THSD1: variants seen among roughly 807,000 people sequenced by gnomAD.
The protein encoded by THSD1 is thrombospondin type-1 domain-containing protein 1.
Under a neutral mutation model 46.3 loss-of-function variants are expected in THSD1, and 34 were observed. The ratio of observed to expected loss-of-function variants is 0.74; its 90% CI spans 0.56 to 0.98. THSD1 has a LOEUF of 0.98. Among genes scored for constraint, THSD1 ranks in the 50% least tolerant of loss-of-function variants. The pLI is 0.00. For missense variants in THSD1, 1,023 were observed against 1,058.3 expected (o/e 0.97, Z 0.46); for synonymous variants, 407 against 416.5 (o/e 0.98, Z 0.28).
intron 4 of THSD1, among the ~76,000 whole-genome samples, chr13:52,383,112 A>G (rs749383479): frequency 7.2e-5 from 11 of 152,084 alleles, no homozygotes; most frequent in Non-Finnish European, 1.5e-4. Context: ...TGCAGGCCCT[A>G]TAATATTGTA....
chr13:52,381,408 C>A (rs946512923), intron 4 of THSD1, among the ~76,000 whole-genome samples: 1 of 152,130 alleles, frequency 6.6e-6, no homozygotes, highest in African/African-American at 2.4e-5. Flanking sequence ...GCCCACAAAT[C>A]CTTCCATGGG....
At chr13:52,402,784 A>G in intron 1 of THSD1, 103 bp from the exon 2 acceptor site, 1 of 1,390,426 alleles carries the variant, frequency 7.2e-7, no homozygotes, top group Non-Finnish European at 9.3e-7. Flanking sequence ...TTTCTAAGTG[A>G]TATTGAAAGG....
chr13:52,384,999 A>G (rs551195100), intron 4 of THSD1, among the ~76,000 whole-genome samples: 1 of 152,314 alleles, frequency 6.6e-6, no homozygotes, highest in Non-Finnish European at 1.5e-5. Flanking sequence ...AACAGAGCCT[A>G]TGATACTGGC....
chr13:52,395,033 G>A (rs1957801402), intron 3 of THSD1, among the ~76,000 whole-genome samples: 1 of 152,182 alleles, frequency 6.6e-6, no homozygotes, highest in Admixed American at 6.5e-5. Flanking sequence ...AAGGAGAGAG[G>A]AGGGTGTCCT....
Position 52,378,583 on chromosome 13 carries a change from A to C in THSD1, c.1387T>G (p.Ser463Ala), listed in dbSNP as rs1178406303. The change falls in exon 5 of 5, where the codon TCG becomes GCG. Residue 463 changes from serine to alanine, a missense_variant. Around this residue, in one of 3 missense-constraint regions of THSD1, gnomAD observed 578 missense variants for 497.4 expected, o/e 1.16. Transcript: ENST00000258613. ...AGCTCGCAGATATTCTCCTCGTCCG[A>C]GTTCTTCCGGAAGCTGGGGGAGTGG... ...SIHSPSFRKN[S>A]DEENICELSE... is the part of the protein sequence containing the mutation. The C allele has an allele frequency of 2.5e-6, 4 of 1,614,032 alleles. No individual in the cohort carries two copies. The highest frequency in any genetic ancestry group is 8.5e-7 in the Non-Finnish European group (1 of 1,180,010).
At position 52,402,512 on chromosome 13, in the gene THSD1, C is replaced by CAGTAG. The variant is rs761317678; in HGVS notation, c.58+26_58+30dup. 2.5e-6 allele frequency: 4 copies of CAGTAG among 1,597,232 alleles called. No homozygotes were observed. The African/African-American group carries it at 5.4e-5, about 21-fold the overall frequency. Reference sequence around the variant, plus strand: ...TGTCATCTTTATGTCTTATTGCTACCAGTAGCGTTAAGTATACTCACAATA... The same window carrying CAGTAG: ...TGTCATCTTTATGTCTTATTGCTACCAGTAGAGTAGCGTTAAGTATACTCACAATA... On this transcript the variant is annotated intron_variant, in intron 2 of 4. Transcript: ENST00000258613.
chr13:52,390,190 C>G (rs1474831391), intron 3 of THSD1, among the ~76,000 whole-genome samples: 1 of 151,858 alleles, frequency 6.6e-6, no homozygotes, highest in Non-Finnish European at 1.5e-5. Flanking sequence ...CAGTACCCAT[C>G]CAACCCCAAG....
chr13:52,381,451 T>C (rs1957691374), intron 4 of THSD1, among the ~76,000 whole-genome samples: 1 of 152,180 alleles, frequency 6.6e-6, no homozygotes, highest in South Asian at 2.1e-4. Context: ...ATTTCACCAC[T>C]TTCTTAAGCC....
At position 52,398,136 on chromosome 13, in the gene THSD1, G is replaced by A. The variant is rs746926644; in HGVS notation, c.117C>T (p.Asn39=). The change falls in exon 3 of 5, where the codon AAC becomes AAT. Residue 39 remains asparagine (N), a synonymous_variant. Coordinates refer to ENST00000258613, the MANE Select transcript of THSD1 (RefSeq NM_018676.4). ...LREPGHVALS[N]DTVYVDFQYF... is the part of the protein sequence containing the mutation. ...ACTGGAAATCCACATACACTGTGTC[G>A]TTGCTTAGTGCTACATGGCCTGGCT... 2.1e-5 allele frequency: 34 copies of A among 1,614,020 alleles called. No individual in the cohort carries two copies. Among genetic ancestry groups the A allele is most frequent in the African/African-American group, 5.3e-5 (4 of 74,896 alleles).
intron 2 of THSD1, chr13:52,400,217 C>T (rs549927994): frequency 6.5e-6 from 1 of 152,932 alleles, no homozygotes; most frequent in Non-Finnish European, 1.5e-5. Flanking sequence ...AAATGGAAAA[C>T]AAAGATGCAA....
rs1326619675 is a variant in THSD1 at position 52,398,064 on chromosome 13, C to A, written c.189G>T (p.Leu63=). The change falls in exon 3 of 5, where the codon CTG becomes CTT. Residue 63 remains leucine, a synonymous_variant. Coordinates refer to ENST00000258613, the MANE Select transcript of THSD1 (RefSeq NM_018676.4). The stretch of plus-strand genomic sequence containing the variant: ...CAGTCTGATTGGTGTTGGCCTCCAA[C>A]AGCAGGACAGATACATTCCTCAGTG... ...NGTLRNVSVL[L]LEANTNQTVT... is the part of the protein sequence containing the mutation. 6.2e-7 allele frequency: 1 copy of A among 1,614,226 alleles called. No individual in the cohort carries two copies. The highest frequency in any genetic ancestry group is 1.7e-5 in the Admixed American group (1 of 60,026).
chr13:52,377,293 C>T lies in THSD1; in HGVS notation c.*118G>A. 7.2e-7 allele frequency: 1 copy of T among 1,389,726 alleles called. No homozygotes were observed. The highest frequency in any genetic ancestry group is 9.4e-7 in the Non-Finnish European group (1 of 1,066,250). 86.1% of individuals were successfully genotyped at this position (1,389,726 alleles called of 1,614,324 possible). A position where few individuals can be genotyped will look rare whatever the true frequency, so the allele number is the denominator to read the frequency against. ...TTCAAACACATGCATACACACACATCCTCCTCTGTGTGTTACTTCCTCCTC... is the reference window on the plus strand; with the variant it reads ...TTCAAACACATGCATACACACACATTCTCCTCTGTGTGTTACTTCCTCCTC... On this transcript the variant is annotated 3_prime_UTR_variant, in exon 5 of 5. Transcript: ENST00000258613.
At chr13:52,386,305 G>A (rs181471913) in intron 3 of THSD1, 119 bp from the exon 4 acceptor site, 59 of 1,004,870 alleles carry the variant, frequency 5.9e-5, no homozygotes, top group East Asian at 4.9e-5. Flanking sequence ...GAGTTAAAGC[G>A]TTCCCAGAGA....
At chr13:52,399,135 A>C (rs1249887960) in intron 2 of THSD1, among the ~76,000 whole-genome samples, 2 of 152,234 alleles carry the variant, frequency 1.3e-5, no homozygotes, top group African/African-American at 2.4e-5. Context: ...ACATTACAGC[A>C]ACTTTTATTT....
At chr13:52,398,446 T>C (rs1957828351) in intron 2 of THSD1, 19 of 793,474 alleles carry the variant, frequency 2.4e-5, no homozygotes, top group Non-Finnish European at 2.9e-5. Flanking sequence ...ATTTTCTTTT[T>C]GTAGAGACTG....
intron 4 of THSD1, among the ~76,000 whole-genome samples, chr13:52,383,285 T>C (rs1957706434): frequency 6.6e-6 from 1 of 152,186 alleles, no homozygotes; most frequent in Non-Finnish European, 1.5e-5. Context: ...AAAAAGGCAA[T>C]AGCAAAATGA....
At chr13:52,391,856 CA>C (rs962716868) in intron 3 of THSD1, among the ~76,000 whole-genome samples, 7 of 150,208 alleles carry the variant, frequency 4.7e-5, no homozygotes, top group Non-Finnish European at 8.9e-5. Context: ...ATCTTAATGT[CA>C]AAAAAATCTC....
At chr13:52,382,725 G>A (rs1240231214) in intron 4 of THSD1, among the ~76,000 whole-genome samples, 1 of 152,176 alleles carries the variant, frequency 6.6e-6, no homozygotes, top group Non-Finnish European at 1.5e-5. Context: ...CCTTGGCCGG[G>A]TGTGGTGGCT....
At chr13:52,380,885 C>T (rs1957687171) in intron 4 of THSD1, among the ~76,000 whole-genome samples, 1 of 152,140 alleles carries the variant, frequency 6.6e-6, no homozygotes, top group African/African-American at 2.4e-5. Context: ...CCTCCCTCAA[C>T]ACCATCATCT....
Sources: allele counts gnomAD v4.1 joint callset (sites outside exome capture counted in the v4.1 genomes callset), GRCh38; gene constraint gnomAD v4.1.1; regional missense constraint gnomAD v4.1.1; transcripts MANE v1.5; gene names NCBI Gene and HGNC (gene_info 2026-07-23, HGNC 2026-07-21).